GABPA: variants seen among roughly 807,000 people sequenced by gnomAD.
GABPA encodes the protein GA binding protein transcription factor subunit alpha.
A neutral mutation model predicts 59.4 loss-of-function variants in GABPA; 4 were observed. That is an observed-to-expected ratio of 0.07 (90% CI 0.03 to 0.15). The LOEUF is 0.15. GABPA is among the 10% of genes least tolerant of loss of function. The pLI is 1.00. For synonymous variants in GABPA, 164 were observed against 183.1 expected, an observed-to-expected ratio of 0.90 and a Z score of 0.84; for missense variants, 251 against 543.8, an observed-to-expected ratio of 0.46 and a Z score of 5.36.
intron 6 of GABPA, 73 bp downstream of exon 6, chr21:25,758,277 C>T (rs566197945): frequency 1.8e-6 from 2 of 1,098,002 alleles, no homozygotes; most frequent in South Asian, 3.3e-5. Context: ...TTGTTTTCAT[C>T]TTAGTTGTTT....
intron 1 of GABPA, among the ~76,000 whole-genome samples, chr21:25,737,614 T>G (rs2035113924): frequency 6.6e-6 from 1 of 152,220 alleles, no homozygotes; most frequent in Non-Finnish European, 1.5e-5. Flanking sequence ...AGTGTTTATG[T>G]TAGGGGAGCC....
At position 25,771,420 on chromosome 21, in the gene GABPA, C is replaced by T. The variant is rs1021339184; in HGVS notation, c.*2188C>T. 6.6e-6 allele frequency: 1 copy of T among 151,686 alleles called. No homozygotes were observed. The highest frequency in any genetic ancestry group is 2.4e-5 in the African/African-American group (1 of 41,362). The allele number at this position is 151,686 out of a possible 1,614,324, so 9.4% of individuals were successfully genotyped here. ...TTATTTCTCATAATTTGAACAGAGA[C>T]AGTTCTCATACATGATCAGATGCTT... is the stretch of plus-strand genomic sequence containing the variant. On this transcript the variant is annotated 3_prime_UTR_variant, in exon 10 of 10. Transcript: ENST00000400075.
chr21:25,758,975 C>T (rs1239707874), intron 6 of GABPA, among the ~76,000 whole-genome samples: 1 of 151,946 alleles, frequency 6.6e-6, no homozygotes, highest in Non-Finnish European at 1.5e-5. Context: ...GAGGTTGAGG[C>T]GAGAGGATAG....
At chr21:25,763,936 C>CTT (rs370661764) in intron 7 of GABPA, among the ~76,000 whole-genome samples, 1 of 7,328 alleles carries the variant, frequency 1.4e-4, no homozygotes, top group African/African-American at 1.5e-4. Context: ...TGTTTAAATA[C>CTT]TCTTTGTCTA....
At chr21:25,739,844 A>C (rs1406244671) in intron 1 of GABPA, among the ~76,000 whole-genome samples, 1 of 152,148 alleles carries the variant, frequency 6.6e-6, no homozygotes, top group African/African-American at 2.4e-5. Flanking sequence ...TCTTGAACTC[A>C]TGGGTTCAAA....
At chr21:25,744,070 A>AC (rs5843170) in intron 2 of GABPA, among the ~76,000 whole-genome samples, 1 of 145,476 alleles carries the variant, frequency 6.9e-6, no homozygotes, top group African/African-American at 2.6e-5. Context: ...AAAACCTACC[A>AC]GGCTATAGCT....
chr21:25,743,457 G>C (rs758150437), intron 2 of GABPA, among the ~76,000 whole-genome samples: 8 of 152,122 alleles, frequency 5.3e-5, no homozygotes, highest in African/African-American at 1.4e-4. Context: ...ACCTTTTGTG[G>C]ATAGTCTAGG....
chr21:25,741,030 C>T (rs1041217797), intron 1 of GABPA, among the ~76,000 whole-genome samples: 2 of 152,068 alleles, frequency 1.3e-5, no homozygotes, highest in Non-Finnish European at 2.9e-5. Context: ...CAATTGGTCC[C>T]GAAAACATCT....
At chr21:25,743,907 G>A (rs2035290769) in intron 2 of GABPA, among the ~76,000 whole-genome samples, 1 of 151,976 alleles carries the variant, frequency 6.6e-6, no homozygotes, top group Non-Finnish European at 1.5e-5. Context: ...AGCTAGGCAT[G>A]GTGGCGCATG....
At chr21:25,751,872 A>C in intron 4 of GABPA, 117 bp from the exon 5 acceptor site, 1 of 1,019,654 alleles carries the variant, frequency 9.8e-7, no homozygotes, top group East Asian at 2.5e-5. Flanking sequence ...CTTTTACTAC[A>C]TTTGCTTTAT....
intron 2 of GABPA, 76 bp downstream of exon 2, chr21:25,741,751 TC>T (rs2035226688): frequency 3.4e-6 from 3 of 872,506 alleles, no homozygotes; most frequent in African/African-American, 1.7e-5. Context: ...AAGTCATAGT[TC>T]TTTTGGACTG....
chr21:25,752,393 A>C, intron 5 of GABPA, 159 bp downstream of exon 5: 282 of 805,876 alleles, frequency 3.5e-4, no homozygotes, highest in Non-Finnish European at 5.1e-4. Flanking sequence ...ATTTAAGCTC[A>C]TGTGGTGGAC....
chr21:25,735,797 G>T (rs1216644901), intron 1 of GABPA: 1 of 149,356 alleles, frequency 6.7e-6, no homozygotes, highest in Non-Finnish European at 1.5e-5. Context: ...GGGGCGGGGG[G>T]CGAGCGGCCT....
intron 1 of GABPA, among the ~76,000 whole-genome samples, chr21:25,741,237 C>T (rs1415776412): frequency 2.0e-5 from 3 of 152,108 alleles, no homozygotes; most frequent in Admixed American, 6.6e-5. Context: ...AGGTGATCCT[C>T]CCACCTCAGC....
rs754445027 is a variant in GABPA, at chr21:25,749,089, A to G, written c.276A>G (p.Val92=). 2.5e-6 allele frequency: 4 copies of G among 1,605,058 alleles called. No homozygotes were observed. The highest frequency in any genetic ancestry group is 1.7e-4 in the Middle Eastern group (1 of 6,026). Residue 92 remains valine (V), a synonymous_variant, in exon 4 of 10, where the codon GTA becomes GTG. Transcript: ENST00000400075. ...AAGGAGTAAAAACAGATGGAACTGTACAGCTTAGTGTACAGGTAATTTCTT... is the reference window on the plus strand; with the variant it reads ...AAGGAGTAAAAACAGATGGAACTGTGCAGCTTAGTGTACAGGTAATTTCTT... The part of the protein sequence containing the change: ...FDQGVKTDGT[V]QLSVQVISYQ...
Position 25,734,986 on chromosome 21 carries a change from C to T in GABPA, c.-619C>T, listed in dbSNP as rs1295844469. ...GCCGCCGTTTCAGTCGGTCGACGCT[C>T]ACCGGACAGGAAGCGTCTCGGAGAC... On this transcript the variant is annotated 5_prime_UTR_variant, in exon 1 of 10. Transcript: ENST00000400075. 3 of 1,555,848 alleles carry T rather than the reference C, an allele frequency of 1.9e-6. No individual in the cohort carries two copies. The highest frequency in any genetic ancestry group is 2.6e-6 in the Non-Finnish European group (3 of 1,151,438).
rs760218121 is a variant in GABPA at position 25,764,361 on chromosome 21, A to C, written c.943+11A>C. The C allele has an allele frequency of 6.3e-7, 1 of 1,583,960 alleles. No individual in the cohort carries two copies. Among genetic ancestry groups the C allele is most frequent in the Non-Finnish European group, 8.6e-7 (1 of 1,166,626 alleles). ...CTGGGAACAGAACAGGTATTTTTGT[A>C]TTTTCTTGTATTTATAAAATATATC... On this transcript the variant is annotated intron_variant, in intron 8 of 9. Transcript: ENST00000400075.
chr21:25,746,842 G>A (rs2035379056), intron 3 of GABPA, among the ~76,000 whole-genome samples: 1 of 152,158 alleles, frequency 6.6e-6, no homozygotes, highest in East Asian at 1.9e-4. Flanking sequence ...GGTAGGTAAA[G>A]ATATATGCAT....
At position 25,769,046 on chromosome 21, in the gene GABPA, G is replaced by A. The variant is rs61734759; in HGVS notation, c.1179G>A (p.Lys393=). 1,224 of 1,613,346 alleles carry A rather than the reference G, an allele frequency of 7.6e-4. 9 individuals are homozygous for A. The African/African-American group carries it at 0.014, about 19-fold the overall frequency. Reference sequence around the variant, plus strand: ...ACATGATTTGTAAAGTTCAAGGCAAGAGATTTGTGTACAAGTTTGTCTGTG... The same window carrying A: ...ACATGATTTGTAAAGTTCAAGGCAAAAGATTTGTGTACAAGTTTGTCTGTG... ...DGDMICKVQG[K]RFVYKFVCDL... is the part of the protein sequence containing the mutation. The change falls in exon 10 of 10, where the codon AAG becomes AAA. Residue 393 remains lysine (K), a synonymous_variant. Transcript: ENST00000400075.
Sources: gnomAD v4.1 joint callset for allele counts (sites outside exome capture counted in the v4.1 genomes callset) on GRCh38, gnomAD v4.1.1 for gene constraint, MANE v1.5 for transcripts, NCBI Gene and HGNC (gene_info 2026-07-23, HGNC 2026-07-21) for gene names.